Variants in SORCS3 observed in about 807,000 individuals in gnomAD.
The protein encoded by SORCS3 is VPS10 domain-containing receptor SorCS3.
A neutral mutation model predicts 146.3 loss-of-function variants in SORCS3; 57 were observed. The ratio of observed to expected loss-of-function variants is 0.39; its 90% CI spans 0.31 to 0.49. The LOEUF is 0.49. Ranked by LOEUF, SORCS3 falls within the 20% of genes least tolerant of loss-of-function variation. The probability of loss-of-function intolerance (pLI) is 0.92; values close to 1 mark genes in which losing one functional copy is unlikely to be tolerated. For missense variants in SORCS3, 1,341 were observed against 1,575.5 expected (o/e 0.85, Z 2.52); for synonymous variants, 653 against 618.5 (o/e 1.06, Z -0.83).
intron 20 of SORCS3, among the ~76,000 whole-genome samples, chr10:105,242,840 AT>A (rs1256987259): frequency 8.1e-5 from 8 of 98,194 alleles, no homozygotes; most frequent in African/African-American, 1.2e-4. Flanking sequence ...TTATATATAT[AT>A]TTTTATATAT....
intron 1 of SORCS3, among the ~76,000 whole-genome samples, chr10:104,652,576 CT>C (rs1296288585): frequency 3.3e-5 from 5 of 152,138 alleles, no homozygotes; most frequent in African/African-American, 4.8e-5. Flanking sequence ...CAGCTCTTGC[CT>C]TCTTCTGCCT....
chr10:105,245,682 G>T lies in SORCS3; in HGVS notation c.2992+17G>T. 6.2e-7 allele frequency: 1 copy of T among 1,613,292 alleles called. No homozygotes were observed. The highest frequency in any genetic ancestry group is 8.5e-7 in the Non-Finnish European group (1 of 1,179,606). On this transcript the variant is annotated intron_variant, in intron 21 of 26. Transcript: ENST00000369701. Reference sequence around the variant, plus strand: ...CAGTTCATGGTAAGCCCTGAAAATTGTTCTGTGATGCTCCTTCCCGCTCAG... The same window carrying T: ...CAGTTCATGGTAAGCCCTGAAAATTTTTCTGTGATGCTCCTTCCCGCTCAG...
intron 19 of SORCS3, among the ~76,000 whole-genome samples, chr10:105,221,890 G>A (rs1331371167): frequency 1.3e-5 from 2 of 151,638 alleles, no homozygotes; most frequent in Non-Finnish European, 2.9e-5. Context: ...TGTTTATGTA[G>A]GAAGGATTAA....
At chr10:104,862,552 C>A (rs2018416451) in intron 2 of SORCS3, among the ~76,000 whole-genome samples, 1 of 151,834 alleles carries the variant, frequency 6.6e-6, no homozygotes, top group African/African-American at 2.4e-5. Flanking sequence ...TTGTTCTCCA[C>A]TTGTATTTCT....
At chr10:104,657,112 G>GT (rs1159923326) in intron 1 of SORCS3, among the ~76,000 whole-genome samples, 7 of 152,206 alleles carry the variant, frequency 4.6e-5, no homozygotes, top group Non-Finnish European at 2.9e-5. Context: ...GTTTCTACCT[G>GT]TTTTTTTGTG....
intron 7 of SORCS3, among the ~76,000 whole-genome samples, chr10:105,126,911 C>T (rs898985247): frequency 2.0e-5 from 3 of 152,080 alleles, no homozygotes; most frequent in Non-Finnish European, 4.4e-5. Context: ...TTATTACTGG[C>T]CTTATATTGT....
At chr10:105,020,876 T>C (rs116443087) in intron 4 of SORCS3, among the ~76,000 whole-genome samples, 3,468 of 152,316 alleles carry the variant, frequency 0.023, 130 homozygotes, top group African/African-American at 0.079. Flanking sequence ...TTCCCTTCCT[T>C]GTCTGAGTTC....
intron 1 of SORCS3, among the ~76,000 whole-genome samples, chr10:104,715,730 G>T (rs1371973443): frequency 6.6e-6 from 1 of 152,158 alleles, no homozygotes; most frequent in Non-Finnish European, 1.5e-5. Context: ...CTATAAAGCA[G>T]ATAAGGACTA....
At position 105,126,580 on chromosome 10, in the gene SORCS3, CAT is replaced by C. The variant is rs2055975617; in HGVS notation, c.1213-12814_1213-12813del. 2.0e-5 allele frequency among the ~76,000 whole-genome samples: 3 copies of C among 152,160 alleles called. No individual in the cohort carries two copies. The South Asian group carries it at 6.2e-4, about 31-fold the overall frequency. On this transcript the variant is annotated intron_variant, in intron 7 of 26. Transcript: ENST00000369701. ...ATACAACACTGTGGGTATGTGCACA[CAT>C]ATGTGCATGTGTGTATGAATGTCAC...
At chr10:104,987,981 T>C (rs1410581772) in intron 4 of SORCS3, among the ~76,000 whole-genome samples, 1 of 152,164 alleles carries the variant, frequency 6.6e-6, no homozygotes, top group Admixed American at 6.5e-5. Context: ...TCCTTGGAAA[T>C]AGAGATACAT....
At chr10:104,952,343 A>C (rs1273973688) in intron 3 of SORCS3, among the ~76,000 whole-genome samples, 1 of 148,544 alleles carries the variant, frequency 6.7e-6, no homozygotes, top group East Asian at 2.0e-4. Context: ...AGCCCTTGCT[A>C]CTCAAAGTCT....
intron 2 of SORCS3, among the ~76,000 whole-genome samples, chr10:104,897,548 T>C (rs1372688421): frequency 6.6e-6 from 1 of 152,218 alleles, no homozygotes; most frequent in Admixed American, 6.5e-5. Context: ...AGCAGGATAA[T>C]TTTCACATTG....
intron 1 of SORCS3, among the ~76,000 whole-genome samples, chr10:104,742,972 A>C (rs2016867281): frequency 6.6e-6 from 1 of 152,218 alleles, no homozygotes; most frequent in Admixed American, 6.5e-5. Context: ...CTTGGATATA[A>C]ATAAGCATTA....
intron 4 of SORCS3, among the ~76,000 whole-genome samples, chr10:104,990,646 T>C (rs2054988113): frequency 6.6e-6 from 1 of 152,128 alleles, no homozygotes; most frequent in Admixed American, 6.6e-5. Context: ...AAAGGGACTT[T>C]ATAGAGGTGA....
chr10:104,870,857 C>T (rs528827240), intron 2 of SORCS3, among the ~76,000 whole-genome samples: 1 of 152,188 alleles, frequency 6.6e-6, no homozygotes, highest in Non-Finnish European at 1.5e-5. Context: ...ATGGACCCAC[C>T]TCTGAGGCAT....
At chr10:105,087,256 C>T (rs758697793) in intron 5 of SORCS3, among the ~76,000 whole-genome samples, 15 of 152,106 alleles carry the variant, frequency 9.9e-5, no homozygotes, top group Admixed American at 4.6e-4. Context: ...GGTATTATTT[C>T]TGAGGCCTCT....
chr10:104,645,714 A>G (rs1230047564), intron 1 of SORCS3, among the ~76,000 whole-genome samples: 1 of 152,232 alleles, frequency 6.6e-6, no homozygotes, highest in Non-Finnish European at 1.5e-5. Context: ...GCGTACTAGT[A>G]GGTGTAACAC....
At chr10:104,782,570 T>A (rs938389536) in intron 1 of SORCS3, among the ~76,000 whole-genome samples, 5 of 152,208 alleles carry the variant, frequency 3.3e-5, no homozygotes, top group African/African-American at 1.2e-4. Context: ...CTTGGATACC[T>A]ACAGAATGAG....
intron 3 of SORCS3, among the ~76,000 whole-genome samples, chr10:104,934,499 C>T (rs2019240451): frequency 1.3e-5 from 2 of 152,056 alleles, no homozygotes; most frequent in South Asian, 4.2e-4. Flanking sequence ...CACATTTGTA[C>T]AGTGTCAATA....
Sources: gnomAD v4.1 joint callset for allele counts (sites outside exome capture counted in the v4.1 genomes callset) on GRCh38, gnomAD v4.1.1 for gene constraint, MANE v1.5 for transcripts, NCBI Gene and HGNC (gene_info 2026-07-23, HGNC 2026-07-21) for gene names.